Variants in CDH13 observed in about 807,000 individuals in gnomAD.
The protein encoded by CDH13 is cadherin 13.
In CDH13, 24 loss-of-function variants were observed where a neutral mutation model predicts 63.8. The ratio of observed to expected loss-of-function variants is 0.38; its 90% CI spans 0.27 to 0.53. The LOEUF (loss-of-function observed/expected upper bound fraction) is 0.53, where lower values mean the gene tolerates loss of function less well. CDH13 is among the 20% of genes least tolerant of loss of function. CDH13 has a pLI of 0.85. For synonymous variants in CDH13, 503 were observed against 355.3 expected, an observed-to-expected ratio of 1.42 and a Z score of -4.67; for missense variants, 1,049 against 903.1, an observed-to-expected ratio of 1.16 and a Z score of -2.07.
At chr16:82,955,035 C>T (rs1331425111) in intron 2 of CDH13, among the ~76,000 whole-genome samples, 3 of 152,172 alleles carry the variant, frequency 2.0e-5, no homozygotes, top group Non-Finnish European at 4.4e-5. Context: ...ACTTATTGCT[C>T]AATGAACATT....
At chr16:83,291,949 C>T (rs1299497527) in intron 5 of CDH13, among the ~76,000 whole-genome samples, 1 of 152,112 alleles carries the variant, frequency 6.6e-6, no homozygotes, top group Non-Finnish European at 1.5e-5. Context: ...TATCACATCA[C>T]GTTTCATCAT....
intron 5 of CDH13, among the ~76,000 whole-genome samples, chr16:83,223,333 G>A (rs1164382427): frequency 2.0e-5 from 3 of 152,202 alleles, no homozygotes; most frequent in Admixed American, 1.3e-4. Context: ...CCAAAAGACA[G>A]CACCTATTCC....
At chr16:83,726,817 C>A (rs930845055) in intron 10 of CDH13, among the ~76,000 whole-genome samples, 1 of 137,190 alleles carries the variant, frequency 7.3e-6, no homozygotes, top group Non-Finnish European at 1.5e-5. Flanking sequence ...CAGCCTGGGG[C>A]GACAGAGCAA....
intron 1 of CDH13, among the ~76,000 whole-genome samples, chr16:82,808,122 C>T (rs562541150): frequency 4.9e-4 from 74 of 152,294 alleles, no homozygotes; most frequent in African/African-American, 1.7e-3. Context: ...GCCTGGGCAA[C>T]ACCCCTGACC....
chr16:83,169,735 A>G (rs1335184363), intron 4 of CDH13, among the ~76,000 whole-genome samples: 2 of 152,114 alleles, frequency 1.3e-5, no homozygotes, highest in East Asian at 1.9e-4. Context: ...CCAGCTAGTT[A>G]TTTGAATTAA....
intron 1 of CDH13, among the ~76,000 whole-genome samples, chr16:82,647,857 A>G (rs933801776): frequency 1.3e-5 from 2 of 152,194 alleles, no homozygotes; most frequent in African/African-American, 4.8e-5. Flanking sequence ...GTCCCTGCCC[A>G]AATCTCATCT....
chr16:82,938,370 A>G (rs2042732538), intron 2 of CDH13, among the ~76,000 whole-genome samples: 1 of 152,248 alleles, frequency 6.6e-6, no homozygotes. Flanking sequence ...TGAGCAGATT[A>G]AATGATCAAT....
intron 5 of CDH13, among the ~76,000 whole-genome samples, chr16:83,327,565 T>C (rs912164887): frequency 2.0e-5 from 3 of 152,202 alleles, no homozygotes; most frequent in African/African-American, 4.8e-5. Context: ...GACAGACAAA[T>C]TCCTAGTCGT....
At chr16:83,227,385 C>T (rs1404627594) in intron 5 of CDH13, among the ~76,000 whole-genome samples, 3 of 152,170 alleles carry the variant, frequency 2.0e-5, no homozygotes, top group Non-Finnish European at 4.4e-5. Flanking sequence ...TCAGGGGGCC[C>T]TTGTGAAGCC....
intron 7 of CDH13, among the ~76,000 whole-genome samples, chr16:83,587,405 A>AC (rs1162514812): frequency 6.6e-6 from 1 of 152,170 alleles, no homozygotes; most frequent in East Asian, 1.9e-4. Context: ...AGAAACATCC[A>AC]CCGACCCCTC....
chr16:83,241,484 C>T (rs80346754), intron 5 of CDH13, among the ~76,000 whole-genome samples: 5,358 of 152,230 alleles, frequency 0.035, 331 homozygotes, highest in African/African-American at 0.12. Context: ...CATGTCTTTT[C>T]AATACTTACT....
chr16:83,253,478 A>G (rs1905835846), intron 5 of CDH13, among the ~76,000 whole-genome samples: 1 of 152,222 alleles, frequency 6.6e-6, no homozygotes, highest in Non-Finnish European at 1.5e-5. Context: ...AGAACCAGGC[A>G]CATTCGCCAC....
chr16:83,589,122 T>C (rs990465574), intron 7 of CDH13, among the ~76,000 whole-genome samples: 11 of 152,020 alleles, frequency 7.2e-5, no homozygotes, highest in Non-Finnish European at 1.3e-4. Flanking sequence ...GGAGAATCCA[T>C]TTTCTTGCTT....
At chr16:83,319,186 G>T (rs1373518105) in intron 5 of CDH13, among the ~76,000 whole-genome samples, 1 of 152,040 alleles carries the variant, frequency 6.6e-6, no homozygotes, top group African/African-American at 2.4e-5. Flanking sequence ...AATTTAGAAA[G>T]ATATTTTGTA....
chr16:82,967,387 A>G (rs539284306), intron 2 of CDH13, among the ~76,000 whole-genome samples: 4 of 152,246 alleles, frequency 2.6e-5, no homozygotes, highest in South Asian at 4.1e-4. Context: ...TGACTTCCCC[A>G]TTAGGGTGTA....
intron 5 of CDH13, among the ~76,000 whole-genome samples, chr16:83,335,393 A>AACAC (rs10657376): frequency 7.5e-4 from 113 of 150,856 alleles, no homozygotes; most frequent in Non-Finnish European, 5.0e-4. Context: ...GTGTGAGTCA[A>AACAC]ACACACACAC....
At chr16:83,525,518 A>G (rs1403042447) in intron 7 of CDH13, among the ~76,000 whole-genome samples, 1 of 152,190 alleles carries the variant, frequency 6.6e-6, no homozygotes, top group Non-Finnish European at 1.5e-5. Context: ...CCTAAACAGC[A>G]CCTGCTTGTT....
intron 8 of CDH13, among the ~76,000 whole-genome samples, chr16:83,626,465 G>T (rs1280578085): frequency 6.6e-6 from 1 of 152,146 alleles, no homozygotes; most frequent in Non-Finnish European, 1.5e-5. Context: ...ATGAGCCAGG[G>T]TCTTTGCTGG....
At chr16:83,584,456 G>A (rs1905951226) in intron 7 of CDH13, among the ~76,000 whole-genome samples, 1 of 152,184 alleles carries the variant, frequency 6.6e-6, no homozygotes, top group African/African-American at 2.4e-5. Context: ...TGTGTCAAGA[G>A]CTCTGCAGTC....
Sources: allele counts gnomAD v4.1 joint callset (sites outside exome capture counted in the v4.1 genomes callset), GRCh38; gene constraint gnomAD v4.1.1; transcripts MANE v1.5; gene names NCBI Gene and HGNC (gene_info 2026-07-23, HGNC 2026-07-21).